EXOC6: variants seen among roughly 807,000 people sequenced by gnomAD.
EXOC6 encodes the protein exocyst complex component 6.
A neutral mutation model predicts 112.5 loss-of-function variants in EXOC6; 60 were observed. The ratio of observed to expected loss-of-function variants is 0.53; its 90% CI spans 0.43 to 0.66. The LOEUF is 0.66. Among genes scored for constraint, EXOC6 ranks in the 30% least tolerant of loss-of-function variants. The pLI, the probability that EXOC6 is intolerant of heterozygous loss-of-function variation, is 0.00. For synonymous variants in EXOC6, 295 were observed against 308.0 expected (o/e 0.96, Z 0.44); for missense variants, 855 against 957.1 (o/e 0.89, Z 1.41).
chr10:93,029,939 G>A (rs1278331144), intron 20 of EXOC6, among the ~76,000 whole-genome samples: 2 of 147,502 alleles, frequency 1.4e-5, no homozygotes, highest in African/African-American at 5.0e-5. Context: ...ATGGAGTTTC[G>A]CTCTTGTTGC....
intron 17 of EXOC6, among the ~76,000 whole-genome samples, chr10:92,956,061 A>T (rs974423440): frequency 6.6e-6 from 1 of 152,134 alleles, no homozygotes; most frequent in African/African-American, 2.4e-5. Context: ...AAGACAAATT[A>T]AAAAAGGATA....
At chr10:92,893,091 G>A (rs1849586124) in intron 1 of EXOC6, among the ~76,000 whole-genome samples, 1 of 152,072 alleles carries the variant, frequency 6.6e-6, no homozygotes, top group African/African-American at 2.4e-5. Flanking sequence ...TTAAAGACTT[G>A]TATTAGGCCC....
chr10:92,838,439 A>C (rs182216753), intron 1 of EXOC6, among the ~76,000 whole-genome samples: 140 of 152,314 alleles, frequency 9.2e-4, no homozygotes, highest in Non-Finnish European at 1.7e-3. Context: ...AGAGTGGACA[A>C]GAATCAGATG....
intron 5 of EXOC6, among the ~76,000 whole-genome samples, chr10:92,902,480 T>G (rs1850231643): frequency 6.6e-6 from 1 of 152,078 alleles, no homozygotes; most frequent in Non-Finnish European, 1.5e-5. Flanking sequence ...TTTTAAAAAT[T>G]TCTGCTAATT....
intron 6 of EXOC6, 48 bp from the exon 7 acceptor site, chr10:92,915,710 A>T: frequency 1.4e-6 from 2 of 1,382,096 alleles, no homozygotes; most frequent in South Asian, 1.8e-5. Context: ...ACCAATTTTG[A>T]CCATAATCAG....
chr10:92,924,581 AC>A (rs2133922021), intron 8 of EXOC6, among the ~76,000 whole-genome samples: 1 of 152,342 alleles, frequency 6.6e-6, no homozygotes, highest in South Asian at 2.1e-4. Context: ...TTTGTTAAAC[AC>A]CCAGAAAAAG....
intron 20 of EXOC6, among the ~76,000 whole-genome samples, chr10:93,037,263 C>T (rs908232908): frequency 5.9e-5 from 9 of 151,700 alleles, no homozygotes; most frequent in African/African-American, 1.2e-4. Context: ...CCTCAGCCTC[C>T]GGAGTAGCTG....
chr10:92,955,386 G>GTA (rs1178790032), intron 16 of EXOC6, among the ~76,000 whole-genome samples, 194 bp from the exon 17 acceptor site: 82 of 148,758 alleles, frequency 5.5e-4, no homozygotes, highest in African/African-American at 8.5e-4. Flanking sequence ...GTGTGTGTGT[G>GTA]TGTATATATA....
chr10:92,856,090 C>T (rs960104163), intron 1 of EXOC6, among the ~76,000 whole-genome samples: 1 of 152,080 alleles, frequency 6.6e-6, no homozygotes, highest in Non-Finnish European at 1.5e-5. Flanking sequence ...TCTTGAACTC[C>T]TGACCTCAGG....
chr10:92,894,921 T>C lies in EXOC6; in HGVS notation c.322-9T>C. ...TGTTTAAAAATATGAACATTCCTTC[T>C]TTTCTAAGGTGATAGTCCACACAGA... is the stretch of plus-strand genomic sequence containing the variant. On this transcript the variant is annotated splice_polypyrimidine_tract_variant and intron_variant, in intron 3 of 21. Transcript: ENST00000260762. 2 of 1,608,166 alleles carry C rather than the reference T, an allele frequency of 1.2e-6. No homozygotes were observed. The highest frequency in any genetic ancestry group is 1.7e-6 in the Non-Finnish European group (2 of 1,174,854).
upstream of EXOC6, among the ~76,000 whole-genome samples, chr10:92,843,976 CAAAAAAAAAAAAAA>C (rs34641974): frequency 2.6e-5 from 1 of 37,896 alleles, no homozygotes; most frequent in Non-Finnish European, 4.4e-5. Flanking sequence ...GACTCTGTCT[CAAAAAAAAAAAAAA>C]AAAAAAAAAA....
intron 4 of EXOC6, among the ~76,000 whole-genome samples, chr10:92,898,236 T>C (rs943580189): frequency 6.7e-6 from 1 of 149,278 alleles, no homozygotes; most frequent in African/African-American, 2.5e-5. Context: ...CTGGGCAACA[T>C]AGGGAGTCCC....
At chr10:92,975,646 C>T (rs1469666648) in intron 18 of EXOC6, among the ~76,000 whole-genome samples, 25 of 129,368 alleles carry the variant, frequency 1.9e-4, no homozygotes, top group East Asian at 4.9e-4. Flanking sequence ...GGCCAGCCAC[C>T]CCGTCCGGGA....
At chr10:92,850,914 G>C (rs1478174759) in intron 1 of EXOC6, among the ~76,000 whole-genome samples, 2 of 151,774 alleles carry the variant, frequency 1.3e-5, no homozygotes, top group Non-Finnish European at 2.9e-5. Context: ...CATATAACAT[G>C]GTTCTTTGAC....
chr10:92,915,749 T>C lies in EXOC6; in HGVS notation c.664-9T>C, dbSNP rs1242036479. 1 of 1,506,540 alleles carries C rather than the reference T, an allele frequency of 6.6e-7. No individual in the cohort carries two copies. The highest frequency in any genetic ancestry group is 2.6e-5 in the East Asian group (1 of 38,708). The allele number at this position is 1,506,540 out of a possible 1,614,324, so 93.3% of individuals were successfully genotyped here. ...TGAAATAATCTGAATTTCTCTCTCT[T>C]CAAAATAGGCACAGCATCAGAAAAC... On this transcript the variant is annotated splice_polypyrimidine_tract_variant and intron_variant, in intron 6 of 21. Transcript: ENST00000260762.
At chr10:92,962,778 G>A (rs1366271219) in intron 17 of EXOC6, among the ~76,000 whole-genome samples, 2 of 152,162 alleles carry the variant, frequency 1.3e-5, no homozygotes, top group East Asian at 1.9e-4. Flanking sequence ...TAATCTAGAA[G>A]AGCAGATAAC....
chr10:93,035,836 C>T (rs1466632649), intron 20 of EXOC6, among the ~76,000 whole-genome samples: 1 of 152,110 alleles, frequency 6.6e-6, no homozygotes, highest in Non-Finnish European at 1.5e-5. Flanking sequence ...GCCTGGATGA[C>T]AGATCAAGAC....
intron 21 of EXOC6, among the ~76,000 whole-genome samples, chr10:93,057,547 G>A (rs1052273412): frequency 2.0e-5 from 3 of 151,868 alleles, no homozygotes; most frequent in African/African-American, 7.3e-5. Context: ...ATAAATTTAG[G>A]TGTTAACTTT....
intron 20 of EXOC6, among the ~76,000 whole-genome samples, chr10:93,038,632 G>A (rs926632563): frequency 3.3e-5 from 5 of 152,174 alleles, no homozygotes; most frequent in African/African-American, 1.2e-4. Flanking sequence ...GAGCTTTCCA[G>A]TGGTTTAAAT....
Sources: gnomAD v4.1 joint callset for allele counts (sites outside exome capture counted in the v4.1 genomes callset) on GRCh38, gnomAD v4.1.1 for gene constraint, MANE v1.5 for transcripts, NCBI Gene and HGNC (gene_info 2026-07-23, HGNC 2026-07-21) for gene names.